Variants in PIWIL2 observed in about 807,000 individuals in gnomAD.
The protein encoded by PIWIL2 is piwi-like protein 2.
In PIWIL2, 81 loss-of-function variants were observed where a neutral mutation model predicts 116.5. The ratio of observed to expected loss-of-function variants is 0.70; its 90% CI spans 0.58 to 0.84. PIWIL2 has a LOEUF of 0.84. Among genes scored for constraint, PIWIL2 ranks in the 40% least tolerant of loss-of-function variants. PIWIL2 has a pLI of 0.00. For synonymous variants in PIWIL2, 489 were observed against 429.5 expected (o/e 1.14, Z -1.71); for missense variants, 1,272 against 1,212.3 (o/e 1.05, Z -0.73).
intron 1 of PIWIL2, among the ~76,000 whole-genome samples, chr8:22,278,494 T>G (rs554597070): frequency 6.6e-6 from 1 of 152,188 alleles, no homozygotes; most frequent in African/African-American, 2.4e-5. Flanking sequence ...CACTCCAGCC[T>G]GGGCGACAGA....
At chr8:22,338,703 T>G (rs1832037031) in intron 20 of PIWIL2, among the ~76,000 whole-genome samples, 1 of 148,192 alleles carries the variant, frequency 6.7e-6, no homozygotes, top group Admixed American at 6.7e-5. Flanking sequence ...AATAAATAAA[T>G]AAATAAATAA....
At chr8:22,318,670 A>T (rs964935904) in intron 20 of PIWIL2, among the ~76,000 whole-genome samples, 1 of 152,180 alleles carries the variant, frequency 6.6e-6, no homozygotes, top group Non-Finnish European at 1.5e-5. Flanking sequence ...AGGAAGTCTG[A>T]TGTGGTGAGA....
At chr8:22,307,272 T>C (rs575127710) in intron 13 of PIWIL2, among the ~76,000 whole-genome samples, 2 of 152,052 alleles carry the variant, frequency 1.3e-5, no homozygotes, top group Non-Finnish European at 2.9e-5. Flanking sequence ...TCTGCCTGTC[T>C]TGGCCTCCCA....
chr8:22,282,926 T>C, intron 4 of PIWIL2, 108 bp from the exon 5 acceptor site: 1 of 843,144 alleles, frequency 1.2e-6, no homozygotes, highest in Non-Finnish European at 2.0e-6. Context: ...GAAACTTGGA[T>C]CCCTTTTGCT....
intron 6 of PIWIL2, 46 bp downstream of exon 6, chr8:22,284,318 A>G: frequency 1.1e-6 from 1 of 927,372 alleles, no homozygotes; most frequent in Non-Finnish European, 1.7e-6. Flanking sequence ...AAAGGGCAGT[A>G]AAAAAAATAG....
chr8:22,314,795 T>C (rs1232623495), intron 17 of PIWIL2, among the ~76,000 whole-genome samples: 1 of 152,108 alleles, frequency 6.6e-6, no homozygotes, highest in East Asian at 1.9e-4. Context: ...TTTCATTTGT[T>C]GGTTTTATTT....
chr8:22,288,570 C>T lies in PIWIL2; in HGVS notation c.890C>T (p.Thr297Ile), dbSNP rs1402986275. ...CTTGAGTTAAAAAGTCAAAGGAAAA[C>T]AGACAGTGCTGAAATCAGCATTAAG... ...QVLELKSQRKTDSAEISIKIQ... is the reference protein window; with the variant it reads ...QVLELKSQRKIDSAEISIKIQ... The change falls in exon 8 of 23, where the codon ACA becomes ATA. Residue 297 changes from threonine to isoleucine, a missense_variant. Thr to Ile is a moderately conservative substitution (Grantham distance 89). Transcript: ENST00000356766. The T allele has an allele frequency of 1.2e-6, 2 of 1,612,398 alleles. No homozygotes were observed. Among genetic ancestry groups the T allele is most frequent in the Middle Eastern group, 3.3e-4 (2 of 6,058 alleles).
In PIWIL2 at chr8:22,350,381, G is replaced by A. The variant is rs140374465; in HGVS notation, c.2404-2578G>A. On this transcript the variant is annotated intron_variant, in intron 20 of 22. Coordinates refer to ENST00000356766, the MANE Select transcript of PIWIL2 (RefSeq NM_018068.5). The stretch of plus-strand genomic sequence containing the variant: ...GAGGCCAAGGCAGGCAGATCACTGA[G>A]TCCAGGAGTTCGAGACTAGCCCAGG... 9.6e-4 allele frequency among the ~76,000 whole-genome samples: 145 copies of A among 151,460 alleles called. 1 individual carries two copies. The highest frequency in any genetic ancestry group is 1.6e-3 in the Non-Finnish European group (111 of 67,814).
At chr8:22,344,390 A>T (rs1832178905) in intron 20 of PIWIL2, among the ~76,000 whole-genome samples, 1 of 152,368 alleles carries the variant, frequency 6.6e-6, no homozygotes, top group Admixed American at 6.5e-5. Context: ...ATAATGCAAT[A>T]TGATAACAAA....
At chr8:22,327,529 A>T (rs573404179) in intron 20 of PIWIL2, among the ~76,000 whole-genome samples, 1 of 147,226 alleles carries the variant, frequency 6.8e-6, no homozygotes, top group Admixed American at 6.8e-5. Context: ...CACCACGCCC[A>T]GCTAATTTTG....
intron 20 of PIWIL2, among the ~76,000 whole-genome samples, chr8:22,321,505 A>G (rs1007101325): frequency 2.6e-5 from 4 of 152,140 alleles, no homozygotes; most frequent in Non-Finnish European, 5.9e-5. Flanking sequence ...AGTGGAAGGA[A>G]TCTTTGTATT....
chr8:22,315,169 G>C, intron 18 of PIWIL2, 24 bp downstream of exon 18: 1 of 1,274,578 alleles, frequency 7.8e-7, no homozygotes, highest in Admixed American at 1.7e-5. Context: ...AGATGGTTCA[G>C]TTTGCCTCTC....
rs756155232 is a variant in PIWIL2 at position 22,281,086 on chromosome 8, A to G, written c.199-34A>G. The G allele has an allele frequency of 4.3e-6, 6 of 1,379,742 alleles. No individual in the cohort carries two copies. The Admixed American group carries it at 8.5e-5, about 19-fold the overall frequency. The allele number at this position is 1,379,742 out of a possible 1,614,324, so 85.5% of individuals were successfully genotyped here. ...GCCCTTGTTTCTGGGGTTTTAAACT[A>G]CCTCTTAGAACTTTATTCTTTGACT... On this transcript the variant is annotated intron_variant, in intron 2 of 22. Transcript: ENST00000356766.
chr8:22,353,395 T>A (rs1832418537), intron 21 of PIWIL2, among the ~76,000 whole-genome samples, 183 bp downstream of exon 21: 1 of 152,114 alleles, frequency 6.6e-6, no homozygotes, highest in Admixed American at 6.6e-5. Context: ...ACGTCTGTAA[T>A]CCCAACGCTT....
chr8:22,287,726 A>G, intron 7 of PIWIL2, 81 bp downstream of exon 7: 1 of 897,214 alleles, frequency 1.1e-6, no homozygotes, highest in Non-Finnish European at 1.9e-6. Context: ...CTTTTAAGAG[A>G]TTGGGTCTTG....
Position 22,283,256 on chromosome 8 carries a change from T to A in PIWIL2, c.632+16T>A. 1 of 1,578,320 alleles carries A rather than the reference T, an allele frequency of 6.3e-7. No homozygotes were observed. Among genetic ancestry groups the A allele is most frequent in the Non-Finnish European group, 8.7e-7 (1 of 1,148,104 alleles). On this transcript the variant is annotated intron_variant, in intron 5 of 22. Transcript: ENST00000356766. Reference sequence around the variant, plus strand: ...ACAAGGAAAAGTAAGTCAGGAGCACTGCCTTCTCTACTTAGTAATGATCGT... The same window carrying A: ...ACAAGGAAAAGTAAGTCAGGAGCACAGCCTTCTCTACTTAGTAATGATCGT...
intron 14 of PIWIL2, 49 bp from the exon 15 acceptor site, chr8:22,309,912 A>C (rs1366270127): frequency 9.0e-7 from 1 of 1,112,818 alleles, no homozygotes; most frequent in African/African-American, 1.5e-5. Context: ...TGTTTTTCTA[A>C]ATAGCGTTTG....
chr8:22,330,214 A>G (rs965886466), intron 20 of PIWIL2, among the ~76,000 whole-genome samples: 1 of 151,882 alleles, frequency 6.6e-6, no homozygotes, highest in Non-Finnish European at 1.5e-5. Flanking sequence ...TGCTTGCTCA[A>G]ATCTGCTGTT....
intron 20 of PIWIL2, among the ~76,000 whole-genome samples, chr8:22,330,745 A>AAATAAATAAAT (rs1181049865): frequency 4.6e-4 from 56 of 122,254 alleles, no homozygotes; most frequent in Admixed American, 6.4e-4. Flanking sequence ...AATAAATAAA[A>AAATAAATAAAT]ATAGTTGATA....
Sources: gnomAD v4.1 joint callset for allele counts (sites outside exome capture counted in the v4.1 genomes callset) on GRCh38, gnomAD v4.1.1 for gene constraint, MANE v1.5 for transcripts, NCBI Gene and HGNC (gene_info 2026-07-23, HGNC 2026-07-21) for gene names.